The following NKAIN1 variants were observed in gnomAD, a reference collection of about 807,000 sequenced individuals.
NKAIN1 encodes sodium/potassium-transporting ATPase subunit beta-1-interacting protein 1.
A neutral mutation model predicts 31.6 loss-of-function variants in NKAIN1; 13 were observed. That is an observed-to-expected ratio of 0.41 (90% CI 0.27 to 0.65). The LOEUF (loss-of-function observed/expected upper bound fraction) is 0.65, where lower values mean the gene tolerates loss of function less well. NKAIN1 is among the 30% of genes least tolerant of loss of function. The pLI, the probability that NKAIN1 is intolerant of heterozygous loss-of-function variation, is 0.30. For missense variants in NKAIN1, 193 were observed against 262.2 expected (o/e 0.74, Z 1.82); for synonymous variants, 104 against 109.0 (o/e 0.95, Z 0.28).
chr1:31,211,007 C>A (rs1645464481), intron 1 of NKAIN1, among the ~76,000 whole-genome samples: 1 of 152,206 alleles, frequency 6.6e-6, no homozygotes, highest in South Asian at 2.1e-4. Flanking sequence ...GGAACTTCCT[C>A]AACCTGGTGA....
intron 1 of NKAIN1, among the ~76,000 whole-genome samples, chr1:31,206,020 G>A (rs1645421022): frequency 1.3e-5 from 2 of 150,408 alleles, no homozygotes; most frequent in South Asian, 4.2e-4. Flanking sequence ...GATCACCTGA[G>A]GTCAGGAGTT....
rs769221823 is a variant in NKAIN1 at position 31,183,859 on chromosome 1, G to A, written c.429C>T (p.Pro143=). ...GGGCGCTGCTGAGGGCTTCAATGTA[G>A]GGGTAGTCAAGCAGGCAGCCAGTGA... ...ISVTGCLLDY[P]YIEALSSALQ... The change falls in exon 4 of 7, where the codon CCC becomes CCT. Residue 143 remains proline (P), a synonymous_variant. Transcript: ENST00000373736. 2 of 1,614,068 alleles carry A rather than the reference G, an allele frequency of 1.2e-6. No individual in the cohort carries two copies. The highest frequency in any genetic ancestry group is 3.3e-5 in the Admixed American group (2 of 60,004).
chr1:31,236,001 T>C (rs1435249406), intron 1 of NKAIN1, among the ~76,000 whole-genome samples: 3 of 152,138 alleles, frequency 2.0e-5, no homozygotes, highest in African/African-American at 7.2e-5. Flanking sequence ...GTTTAATGAG[T>C]ACTCACTCTG....
chr1:31,209,772 G>A (rs1035527978), intron 1 of NKAIN1, among the ~76,000 whole-genome samples: 1 of 151,888 alleles, frequency 6.6e-6, no homozygotes, highest in East Asian at 1.9e-4. Flanking sequence ...AGCTGTGATC[G>A]CATCACTCCC....
rs1206461211 is a variant in NKAIN1, at chr1:31,239,481, A to C, written c.54+13T>G. 9.7e-6 allele frequency: 14 copies of C among 1,441,338 alleles called. No homozygotes were observed. Among genetic ancestry groups the C allele is most frequent in the Middle Eastern group, 2.2e-4 (1 of 4,476 alleles). The allele number at this position is 1,441,338 out of a possible 1,614,324, so 89.3% of individuals were successfully genotyped here. ...CCCACCCTGCCCCGACTGCCTGGGC[A>C]CGCGACGCTTACCAGCTGCAGGCAG... On this transcript the variant is annotated intron_variant, in intron 1 of 6. Transcript: ENST00000373736. The surrounding 1 kb of genome is among the most constrained non-coding windows in gnomAD (Gnocchi z 4.8).
At chr1:31,190,072 T>A (rs753750825) in intron 1 of NKAIN1, among the ~76,000 whole-genome samples, 1 of 151,948 alleles carries the variant, frequency 6.6e-6, no homozygotes, top group Non-Finnish European at 1.5e-5. Context: ...CAACAAAGAG[T>A]CCTAACTACA....
Position 31,239,749 on chromosome 1 carries a change from C to T in NKAIN1, c.-202G>A, listed in dbSNP as rs1645720876. 6.6e-6 allele frequency among the ~76,000 whole-genome samples: 1 copy of T among 150,988 alleles called. No homozygotes were observed. Among genetic ancestry groups the T allele is most frequent in the Non-Finnish European group, 1.5e-5 (1 of 67,628 alleles). On this transcript the variant is annotated 5_prime_UTR_variant, in exon 1 of 7. Coordinates refer to ENST00000373736, the MANE Select transcript of NKAIN1 (RefSeq NM_024522.3). This position sits in a 1 kb window ranked among gnomAD's most constrained non-coding sequence, Gnocchi z 4.8. ...GCTCCGAGTCCATGGTCCGTCCGTCCGCGCGCTGGCCCCGCCGAGCCGCGC... is the reference window on the plus strand; with the variant it reads ...GCTCCGAGTCCATGGTCCGTCCGTCTGCGCGCTGGCCCCGCCGAGCCGCGC...
chr1:31,222,600 A>G (rs948717145), intron 1 of NKAIN1, among the ~76,000 whole-genome samples: 14 of 152,168 alleles, frequency 9.2e-5, no homozygotes, highest in Admixed American at 5.9e-4. Flanking sequence ...GGAGGACTCA[A>G]TGCATCCTCT....
At chr1:31,199,644 G>T (rs1645361188) in intron 1 of NKAIN1, among the ~76,000 whole-genome samples, 2 of 152,116 alleles carry the variant, frequency 1.3e-5, no homozygotes, top group Non-Finnish European at 2.9e-5. Context: ...CCATCTCCGG[G>T]GGTCCATCTG....
At chr1:31,219,204 G>T (rs971147720) in intron 1 of NKAIN1, among the ~76,000 whole-genome samples, 4 of 152,252 alleles carry the variant, frequency 2.6e-5, no homozygotes, top group South Asian at 2.1e-4. Context: ...TGACTTCTTG[G>T]AGTTTTGAGC....
Position 31,182,516 on chromosome 1 carries a change from G to A in NKAIN1, c.532+14C>T, listed in dbSNP as rs79142636. 5.6e-6 allele frequency: 9 copies of A among 1,613,882 alleles called. No homozygotes were observed. The African/African-American group carries it at 8.0e-5, about 14-fold the overall frequency. On this transcript the variant is annotated intron_variant, in intron 5 of 6. Transcript: ENST00000373736. ...GGGCCAGATTCCCCACTTCCCCAGG[G>A]GCGCCTTACTCACAGCTGTCCTCCT... is the stretch of plus-strand genomic sequence containing the variant.
At chr1:31,205,747 C>T (rs1334222691) in intron 1 of NKAIN1, among the ~76,000 whole-genome samples, 2 of 150,866 alleles carry the variant, frequency 1.3e-5, no homozygotes, top group African/African-American at 4.9e-5. Context: ...CTCAACTTCC[C>T]AAGTAGCTGG....
At chr1:31,186,977 CCCAAGT>C (rs1645248961) in intron 2 of NKAIN1, among the ~76,000 whole-genome samples, 1 of 152,218 alleles carries the variant, frequency 6.6e-6, no homozygotes, top group Middle Eastern at 3.2e-3. Context: ...GATGCTTCTA[CCCAAGT>C]CCTGTGCCTG....
At chr1:31,228,763 A>T (rs575831912) in intron 1 of NKAIN1, among the ~76,000 whole-genome samples, 4 of 152,098 alleles carry the variant, frequency 2.6e-5, no homozygotes, top group Non-Finnish European at 2.9e-5. Context: ...CCAGCTAATT[A>T]AAAAAAATTT....
rs1049793547 is a variant in NKAIN1 at position 31,184,115 on chromosome 1, G to A, written c.274-101C>T. 4 of 1,037,770 alleles carry A rather than the reference G, an allele frequency of 3.9e-6. No individual in the cohort carries two copies. In the South Asian group the frequency reaches 6.6e-5, roughly 17 times the overall value. 64.3% of individuals were successfully genotyped at this position (1,037,770 alleles called of 1,614,324 possible). A position where few individuals can be genotyped will look rare whatever the true frequency, so the allele number is the denominator to read the frequency against. ...TATATTGATCGGTGAAGGGATTCAG[G>A]GAGCCTGCACCTGCAAGTCCATATT... On this transcript the variant is annotated intron_variant, in intron 3 of 6. Transcript: ENST00000373736.
chr1:31,188,267 G>C, intron 1 of NKAIN1, 80 bp from the exon 2 acceptor site: 1 of 1,472,520 alleles, frequency 6.8e-7, no homozygotes. Context: ...TTGGGGAGCA[G>C]GTGGCACCAG....
At position 31,182,584 on chromosome 1, in the gene NKAIN1, C is replaced by T; in HGVS notation, c.478G>A (p.Gly160Ser). 2 of 1,614,084 alleles carry T rather than the reference C, an allele frequency of 1.2e-6. No individual in the cohort carries two copies. Among genetic ancestry groups the T allele is most frequent in the East Asian group, 2.2e-5 (1 of 44,866 alleles). Residue 160 changes from glycine to serine, a missense_variant, in exon 5 of 7, where the codon GGC (glycine) becomes AGC (serine). Physicochemically the swap from Gly to Ser is moderately conservative, Grantham distance 56. Transcript: ENST00000373736. Reference protein sequence around the residue: ...SALQIFLALFGFVFACYVSKV... With the variant: ...SALQIFLALFSFVFACYVSKV... ...CTCACGTAGCAGGCGAACACGAAGC[C>T]GAACAGCTGGGAGTGGAGATGACAC...
chr1:31,188,873 T>A (rs1645264435), intron 1 of NKAIN1, among the ~76,000 whole-genome samples: 1 of 151,574 alleles, frequency 6.6e-6, no homozygotes, highest in Non-Finnish European at 1.5e-5. Flanking sequence ...CATTGCCAGG[T>A]GTGGTGGTGC....
chr1:31,221,123 G>T lies in NKAIN1; in HGVS notation c.54+18371C>A, dbSNP rs74063701. Among the ~76,000 whole-genome samples the T allele has an allele frequency of 6.1e-3, 924 of 152,248 alleles. 14 individuals are homozygous for T. The highest frequency in any genetic ancestry group is 0.021 in the African/African-American group (860 of 41,538). ...CGAGGATGAAATGATGGATTAGCAG[G>T]CCTAGGAGATAAAGAAGGAAAGAGC... On this transcript the variant is annotated intron_variant, in intron 1 of 6. Transcript: ENST00000373736.
Sources: allele counts gnomAD v4.1 joint callset (sites outside exome capture counted in the v4.1 genomes callset), GRCh38; gene constraint gnomAD v4.1.1; non-coding constraint Gnocchi (gnomAD v3.1); transcripts MANE v1.5; gene names NCBI Gene and HGNC (gene_info 2026-07-23, HGNC 2026-07-21).